The following PSG7 variants were observed in gnomAD, a reference collection of about 807,000 sequenced individuals.
The protein encoded by PSG7 is pregnancy-specific beta-1-glycoprotein 7.
Under a neutral mutation model 45.6 loss-of-function variants are expected in PSG7, and 57 were observed. That is an observed-to-expected ratio of 1.25 (90% CI 1.01 to 1.56). The LOEUF (loss-of-function observed/expected upper bound fraction) is 1.56. Among genes scored for constraint, PSG7 ranks in the 40% most tolerant of loss-of-function variants. The probability of loss-of-function intolerance (pLI) is 0.00; values close to 1 mark genes in which losing one functional copy is unlikely to be tolerated. For missense variants in PSG7, 796 were observed against 508.4 expected (o/e 1.57, Z -5.44); for synonymous variants, 298 against 194.4 (o/e 1.53, Z -4.43).
At chr19:42,926,272 T>C (rs963271066) in intron 4 of PSG7, 166 bp downstream of exon 4, 11 of 1,449,368 alleles carry the variant, frequency 7.6e-6, no homozygotes, top group Non-Finnish European at 1.0e-5. Context: ...AGGCTGTGCC[T>C]ACCCAGGTTT....
chr19:42,927,751 G>C (rs374028882), intron 3 of PSG7, among the ~76,000 whole-genome samples: 2 of 151,634 alleles, frequency 1.3e-5, no homozygotes, highest in Non-Finnish European at 2.9e-5. Flanking sequence ...ACTGCTGGTT[G>C]CCAGGAGCTG....
intron 5 of PSG7, 175 bp downstream of exon 5, chr19:42,925,598 T>C: frequency 7.0e-7 from 1 of 1,432,636 alleles, no homozygotes; most frequent in Non-Finnish European, 9.4e-7. Flanking sequence ...ATCAGCCTGT[T>C]TGTTAAAGTT....
Position 42,924,891 on chromosome 19 carries a change from G to T in PSG7, c.1244-67C>A, listed in dbSNP as rs1005987301. On this transcript the variant is annotated intron_variant, in intron 5 of 5. Coordinates refer to ENST00000406070, the MANE Select transcript of PSG7 (RefSeq NM_002783.3). ...GCAATCTCATAACAGGTGTACTACGGTTTTATTTTCCACATAATTTTTCTC... is the reference window on the plus strand; with the variant it reads ...GCAATCTCATAACAGGTGTACTACGTTTTTATTTTCCACATAATTTTTCTC... 28 of 762,646 alleles carry T rather than the reference G, an allele frequency of 3.7e-5. 1 individual carries two copies. Among genetic ancestry groups the T allele is most frequent in the South Asian group, 3.1e-4 (23 of 73,454 alleles). 47.2% of individuals were successfully genotyped at this position (762,646 alleles called of 1,614,324 possible). A position where few individuals can be genotyped will look rare whatever the true frequency, so the allele number is the denominator to read the frequency against.
In PSG7 at chr19:42,935,693, C is replaced by G. The variant is rs1973135539; in HGVS notation, c.141G>C (p.Glu47Asp). 6 of 1,611,988 alleles carry G rather than the reference C, an allele frequency of 3.7e-6. No homozygotes were observed. In the Middle Eastern group the frequency reaches 5.0e-4, roughly 133 times the overall value. ...GGACAAGTAGAAGAACATCCTTCCC[C>G]TCGGAAACTTTTGGTGGCTGGGCTT... ...TIEAQPPKVS[E>D]GKDVLLLVHN... The change falls in exon 2 of 6, where the codon GAG becomes GAC. Residue 47 changes from glutamate to aspartate, a missense_variant. Glu to Asp is a conservative substitution (Grantham distance 45). Transcript: ENST00000406070.
chr19:42,927,241 C>T (rs540692480), intron 3 of PSG7: 1 of 167,038 alleles, frequency 6.0e-6, no homozygotes, highest in South Asian at 1.5e-4. Context: ...GCAGAAATAA[C>T]ACAGGGGAGA....
chr19:42,927,089 G>C lies in PSG7; in HGVS notation c.710-373C>G, dbSNP rs562447015. 1.8e-4 allele frequency: 53 copies of C among 290,914 alleles called. 4 individuals are homozygous for C. The Middle Eastern group carries it at 4.3e-3, about 24-fold the overall frequency. 18.0% of individuals were successfully genotyped at this position (290,914 alleles called of 1,614,324 possible). On this transcript the variant is annotated intron_variant, in intron 3 of 5. Coordinates refer to ENST00000406070, the MANE Select transcript of PSG7 (RefSeq NM_002783.3). ...GCAACTGCTGGGCCCTTTCCAAATTGCATCCTACTTTGCCCCCCTAGATGT... is the reference window on the plus strand; with the variant it reads ...GCAACTGCTGGGCCCTTTCCAAATTCCATCCTACTTTGCCCCCCTAGATGT...
At chr19:42,933,154 C>G (rs2122692093) in intron 2 of PSG7, among the ~76,000 whole-genome samples, 1 of 147,188 alleles carries the variant, frequency 6.8e-6, no homozygotes, top group East Asian at 2.0e-4. Flanking sequence ...CCTTGAAAAT[C>G]TCTAACCCCT....
intron 2 of PSG7, among the ~76,000 whole-genome samples, chr19:42,933,441 G>A (rs1175134724): frequency 6.8e-6 from 1 of 147,486 alleles, no homozygotes; most frequent in Admixed American, 6.8e-5. Flanking sequence ...CAAAGTGAAA[G>A]AGCCCTGGAT....
chr19:42,935,387 C>T lies in PSG7; in HGVS notation c.430+17G>A. ...CCCCTGCCCCCCAACACCCAGGGAC[C>T]ATGTGGAATCACTCACGGTATAAGG... On this transcript the variant is annotated intron_variant, in intron 2 of 5. Transcript: ENST00000406070. The T allele has an allele frequency of 6.2e-7, 1 of 1,610,992 alleles. No homozygotes were observed. The highest frequency in any genetic ancestry group is 8.5e-7 in the Non-Finnish European group (1 of 1,178,404).
At chr19:42,928,600 TA>T (rs1418200996) in intron 3 of PSG7, among the ~76,000 whole-genome samples, 1 of 151,524 alleles carries the variant, frequency 6.6e-6, no homozygotes, top group Non-Finnish European at 1.5e-5. Context: ...TGTTAGTGTA[TA>T]GTCTGAAGAA....
chr19:42,936,936 C>T (rs1191291340), intron 1 of PSG7, 77 bp downstream of exon 1: 13 of 1,580,620 alleles, frequency 8.2e-6, no homozygotes, highest in Non-Finnish European at 1.0e-5. Flanking sequence ...TTTTTTAGAA[C>T]CCCATCCTCT....
At chr19:42,928,975 G>T (rs1972955993) in intron 3 of PSG7, among the ~76,000 whole-genome samples, 1 of 151,574 alleles carries the variant, frequency 6.6e-6, no homozygotes, top group Non-Finnish European at 1.5e-5. Flanking sequence ...TGAGGCAGGG[G>T]AGCTTGGGGA....
At chr19:42,926,399 T>A in intron 4 of PSG7, 39 bp downstream of exon 4, 1 of 1,607,276 alleles carries the variant, frequency 6.2e-7, no homozygotes, top group Non-Finnish European at 8.5e-7. Context: ...GCTGGTGTCC[T>A]GGCCCACAGA....
chr19:42,930,782 C>G (rs1393465301), intron 2 of PSG7, among the ~76,000 whole-genome samples: 2 of 151,570 alleles, frequency 1.3e-5, no homozygotes, highest in Non-Finnish European at 2.9e-5. Flanking sequence ...GAATAGGGCA[C>G]TGTTCCGTGG....
At chr19:42,925,429 A>G in intron 5 of PSG7, 1 of 539,960 alleles carries the variant, frequency 1.9e-6, no homozygotes, top group Non-Finnish European at 3.0e-6. Flanking sequence ...CTAGAGATAG[A>G]TTAAAAGACA....
intron 4 of PSG7, 77 bp downstream of exon 4, chr19:42,926,361 G>A (rs1845001272): frequency 1.9e-6 from 3 of 1,588,584 alleles, no homozygotes; most frequent in South Asian, 1.2e-5. Context: ...GAGACTGAGA[G>A]GACTGGCCTC....
At position 42,929,435 on chromosome 19, in the gene PSG7, T is replaced by C. The variant is rs1268075048; in HGVS notation, c.709+7A>G. On this transcript the variant is annotated splice_region_variant and intron_variant, in intron 3 of 5. Transcript: ENST00000406070. ...GCCTGGCTAACAGAGGAACAGAAGA[T>C]ACTCACGGAGGAGATTCAGGGTGAC... 1 of 1,612,126 alleles carries C rather than the reference T, an allele frequency of 6.2e-7. No individual in the cohort carries two copies. Among genetic ancestry groups the C allele is most frequent in the Non-Finnish European group, 8.5e-7 (1 of 1,179,020 alleles).
At chr19:42,925,651 T>A in intron 5 of PSG7, 122 bp downstream of exon 5, 3 of 1,565,242 alleles carry the variant, frequency 1.9e-6, no homozygotes, top group South Asian at 2.4e-5. Flanking sequence ...GGAGGAAAAT[T>A]TGGGATTTGC....
Position 42,936,636 on chromosome 19 carries a change from C to CT in PSG7, c.64+376dup, listed in dbSNP as rs1037678084. The CT allele has an allele frequency of 1.8e-4, 38 of 212,316 alleles. 1 individual carries two copies. Among genetic ancestry groups the CT allele is most frequent in the Admixed American group, 1.3e-3 (25 of 18,538 alleles). The allele number at this position is 212,316 out of a possible 1,614,324, so 13.2% of individuals were successfully genotyped here. ...CCAGGCTCCAACAGAGCCTTCTTTC[C>CT]TTTTTTTTCTTTTTTCCTTTTTTTC... On this transcript the variant is annotated intron_variant, in intron 1 of 5. Transcript: ENST00000406070.
Sources: allele counts gnomAD v4.1 joint callset (sites outside exome capture counted in the v4.1 genomes callset), GRCh38; gene constraint gnomAD v4.1.1; transcripts MANE v1.5; gene names NCBI Gene and HGNC (gene_info 2026-07-23, HGNC 2026-07-21).